TUBA1C: variants seen among roughly 807,000 people sequenced by gnomAD.
TUBA1C encodes tubulin alpha 1c.
A neutral mutation model predicts 34.9 loss-of-function variants in TUBA1C; 16 were observed. That is an observed-to-expected ratio of 0.46 (90% CI 0.31 to 0.70). TUBA1C has a LOEUF of 0.70. TUBA1C is among the 30% of genes least tolerant of loss of function. The pLI is 0.05. For missense variants in TUBA1C, 329 were observed against 587.3 expected, an observed-to-expected ratio of 0.56 and a Z score of 4.55; for synonymous variants, 177 against 215.9, an observed-to-expected ratio of 0.82 and a Z score of 1.58.
upstream of TUBA1C, among the ~76,000 whole-genome samples, chr12:49,263,992 G>A (rs1433727209): frequency 1.3e-5 from 2 of 151,996 alleles, no homozygotes; most frequent in African/African-American, 4.8e-5. Flanking sequence ...AGGCCGAGGC[G>A]GGCGGATCAC....
intron 1 of TUBA1C, among the ~76,000 whole-genome samples, chr12:49,267,314 T>G (rs569429510): frequency 6.6e-6 from 1 of 152,248 alleles, no homozygotes. Flanking sequence ...TGATCAGGTA[T>G]CTGGTTATCT....
At chr12:49,235,843 C>T (rs1394067402) in intron 1 of TUBA1C, among the ~76,000 whole-genome samples, 6 of 152,048 alleles carry the variant, frequency 3.9e-5, no homozygotes, top group East Asian at 1.9e-4. Flanking sequence ...CTCAATGAGT[C>T]GTCATTTGTT....
chr12:49,248,057 A>G (rs1174947822), intron 1 of TUBA1C, among the ~76,000 whole-genome samples: 8 of 151,814 alleles, frequency 5.3e-5, no homozygotes, highest in Non-Finnish European at 8.8e-5. Flanking sequence ...CAGGCAGATC[A>G]CGAGGTCAGG....
chr12:49,267,326 C>T (rs999505148), intron 1 of TUBA1C, among the ~76,000 whole-genome samples: 1 of 152,222 alleles, frequency 6.6e-6, no homozygotes, highest in African/African-American at 2.4e-5. Flanking sequence ...TGGTTATCTC[C>T]AGCTTTTTGG....
intron 1 of TUBA1C, among the ~76,000 whole-genome samples, chr12:49,245,082 A>G (rs993083512): frequency 6.6e-6 from 1 of 152,172 alleles, no homozygotes; most frequent in African/African-American, 2.4e-5. Flanking sequence ...GAAGTAAATG[A>G]TAATTTTTGA....
intron 1 of TUBA1C, among the ~76,000 whole-genome samples, chr12:49,269,183 C>A (rs970717768): frequency 6.6e-6 from 1 of 152,176 alleles, no homozygotes; most frequent in Non-Finnish European, 1.5e-5. Flanking sequence ...CCTCAGCCTC[C>A]CAAGTAGCTG....
At chr12:49,260,803 G>A (rs941658703), upstream of TUBA1C, among the ~76,000 whole-genome samples, 2 of 152,128 alleles carry the variant, frequency 1.3e-5, no homozygotes. Flanking sequence ...TGATCTTGGC[G>A]TACTGCAGCC....
intron 3 of TUBA1C, 41 bp downstream of exon 3, chr12:49,270,017 T>G: frequency 6.2e-7 from 1 of 1,614,244 alleles, no homozygotes; most frequent in South Asian, 1.1e-5. Context: ...GAGAGTTTCT[T>G]TTGCAGTTCT....
At chr12:49,272,150 T>C (rs1169711581) in intron 3 of TUBA1C, 103 bp from the exon 4 acceptor site, 6 of 1,515,680 alleles carry the variant, frequency 4.0e-6, no homozygotes, top group South Asian at 1.4e-5. Flanking sequence ...AAAATTGCAA[T>C]TGGAGTAGCC....
chr12:49,250,260 T>C (rs1372848272), intron 1 of TUBA1C, among the ~76,000 whole-genome samples: 2 of 151,818 alleles, frequency 1.3e-5, no homozygotes. Context: ...CGTGGTGGCT[T>C]GCGCCTGTAA....
Position 49,267,451 on chromosome 12 carries a change from G to A in TUBA1C, c.4-2014G>A, listed in dbSNP as rs190743871. ...AGGTGAGTAGATCACCCGAGGTCAG[G>A]AGTTCAAGACCAGCCTGGCCAACAT... On this transcript the variant is annotated intron_variant, in intron 1 of 3. Transcript: ENST00000301072. Among the ~76,000 whole-genome samples, 249 of 152,238 alleles carry A rather than the reference G, an allele frequency of 1.6e-3. 1 individual carries two copies. Among genetic ancestry groups the A allele is most frequent in the African/African-American group, 5.7e-3 (238 of 41,526 alleles).
intron 1 of TUBA1C, among the ~76,000 whole-genome samples, chr12:49,245,267 C>A (rs1490610610): frequency 6.6e-6 from 1 of 152,094 alleles, no homozygotes; most frequent in Non-Finnish European, 1.5e-5. Context: ...ACAAAAATGA[C>A]CATTTCTGGC....
intron 1 of TUBA1C, among the ~76,000 whole-genome samples, chr12:49,268,841 G>A (rs1405363999): frequency 1.3e-5 from 2 of 152,166 alleles, no homozygotes; most frequent in Non-Finnish European, 2.9e-5. Context: ...AATGAGCTCA[G>A]TAGTTACACA....
chr12:49,250,615 TA>T (rs1942723889), intron 1 of TUBA1C, among the ~76,000 whole-genome samples: 1 of 151,176 alleles, frequency 6.6e-6, no homozygotes, highest in African/African-American at 2.4e-5. Flanking sequence ...ATTAAAATTA[TA>T]AAAGTATATT....
chr12:49,273,194 T>A lies in TUBA1C; in HGVS notation c.1317T>A (p.Ser439Arg), dbSNP rs1285196730. 1 of 1,614,240 alleles carries A rather than the reference T, an allele frequency of 6.2e-7. No individual in the cohort carries two copies. The highest frequency in any genetic ancestry group is 1.3e-5 in the African/African-American group (1 of 75,058). The change falls in exon 4 of 4, where the codon AGT becomes AGA. Residue 439 changes from serine to arginine, a missense_variant. By Grantham distance (110) the Ser-to-Arg change is moderately radical. Transcript: ENST00000301072. ...ATTATGAGGAGGTTGGAGCAGATAG[T>A]GCTGACGGAGAGGATGAGGGTGAAG... ...EKDYEEVGAD[S>R]ADGEDEGEEY
chr12:49,252,334 A>G (rs761098051), intron 1 of TUBA1C, among the ~76,000 whole-genome samples: 6 of 152,222 alleles, frequency 3.9e-5, no homozygotes, highest in Non-Finnish European at 5.9e-5. Context: ...TGACCATTTT[A>G]CTGCTTCCTT....
chr12:49,270,250 C>T (rs1183375421), intron 3 of TUBA1C: 1 of 579,768 alleles, frequency 1.7e-6, no homozygotes, highest in African/African-American at 1.9e-5. Flanking sequence ...AGGTAGCTGA[C>T]TTCTACATGT....
intron 1 of TUBA1C, among the ~76,000 whole-genome samples, chr12:49,236,644 T>C (rs969373818): frequency 1.3e-5 from 2 of 152,202 alleles, no homozygotes; most frequent in African/African-American, 2.4e-5. Context: ...TTCTGAGAAA[T>C]GCATCCTTAG....
At chr12:49,251,548 A>C (rs1427726934) in intron 1 of TUBA1C, among the ~76,000 whole-genome samples, 3 of 152,018 alleles carry the variant, frequency 2.0e-5, no homozygotes, top group African/African-American at 7.2e-5. Context: ...GCCGAGATGG[A>C]TGGGTCACTT....
Sources: allele counts gnomAD v4.1 joint callset (sites outside exome capture counted in the v4.1 genomes callset), GRCh38; gene constraint gnomAD v4.1.1; transcripts MANE v1.5; gene names NCBI Gene and HGNC (gene_info 2026-07-23, HGNC 2026-07-21).